The following ASTL variants were observed in gnomAD, a reference collection of about 807,000 sequenced individuals.
The protein encoded by ASTL is astacin-like metalloendopeptidase.
Under a neutral mutation model 36.7 loss-of-function variants are expected in ASTL, and 27 were observed. The observed-to-expected ratio is 0.73, with a 90% CI of 0.54 to 1.01. The LOEUF (loss-of-function observed/expected upper bound fraction) is 1.01. Among genes scored for constraint, ASTL ranks in the 50% least tolerant of loss-of-function variants. ASTL has a pLI of 0.00. For missense variants in ASTL, 524 were observed against 572.8 expected, an observed-to-expected ratio of 0.91 and a Z score of 0.87; for synonymous variants, 222 against 228.1, an observed-to-expected ratio of 0.97 and a Z score of 0.24.
At chr2:96,137,221 T>C (rs1682320185) in intron 2 of ASTL, among the ~76,000 whole-genome samples, 1 of 152,236 alleles carries the variant, frequency 6.6e-6, no homozygotes. Flanking sequence ...ACTAACCGCT[T>C]AGCTCCACGC....
At position 96,138,420 on chromosome 2, in the gene ASTL, C is replaced by A. The variant is rs1227985364; in HGVS notation, c.17G>T (p.Gly6Val). MEGVG[G>V]LWPWVLGLLS... is the part of the protein sequence containing the mutation. ...CAGACCCAGCACCCAAGGCCAGAGA[C>A]CCCCTACACCCTCCATGGTAGAGCC... The change falls in exon 1 of 9, where the codon GGT (glycine) becomes GTT (valine). Residue 6 changes from glycine to valine, a missense_variant. Coordinates refer to ENST00000342380, the MANE Select transcript of ASTL (RefSeq NM_001002036.4). The A allele has an allele frequency of 1.2e-6, 2 of 1,610,674 alleles. No homozygotes were observed. Among genetic ancestry groups the A allele is most frequent in the East Asian group, 2.2e-5 (1 of 44,816 alleles).
In ASTL at chr2:96,124,004, A is replaced by T. The variant is rs776533698; in HGVS notation, c.1142T>A (p.Val381Asp). 6 of 1,614,018 alleles carry T rather than the reference A, an allele frequency of 3.7e-6. No homozygotes were observed. Among genetic ancestry groups the T allele is most frequent in the Non-Finnish European group, 5.1e-6 (6 of 1,179,980 alleles). ...RSRPGAGAPG[V>D]AQEQSWLAGV... is the part of the protein sequence containing the mutation. ...GGCCAGCCAGGACTGCTCCTGAGCAACACCGGGGGCACCTGCTCCAGGCCT... is the reference window on the plus strand; with the variant it reads ...GGCCAGCCAGGACTGCTCCTGAGCATCACCGGGGGCACCTGCTCCAGGCCT... Residue 381 changes from valine (V) to aspartate (D), a missense_variant, in exon 9 of 9, where the codon GTT becomes GAT. Physicochemically the swap from Val to Asp is radical, Grantham distance 152. Coordinates refer to ENST00000342380, the MANE Select transcript of ASTL (RefSeq NM_001002036.4). This position sits in a 1 kb window ranked among gnomAD's most constrained non-coding sequence, Gnocchi z 4.1.
In ASTL at chr2:96,123,895, C is replaced by G. The variant is rs374378712; in HGVS notation, c.1251G>C (p.Gly417=). ...VPVQGSPALP[G]GCVPRNHFKG... is the part of the protein sequence containing the mutation. ...TGAAATGATTTCTAGGTACACAGCC[C>G]CCTGGCAGAGCTGGGCTTCCCTGGA... is the stretch of plus-strand genomic sequence containing the variant. Residue 417 remains glycine, a synonymous_variant, in exon 9 of 9, where the codon GGG becomes GGC. Coordinates refer to ENST00000342380, the MANE Select transcript of ASTL (RefSeq NM_001002036.4). 4.1e-5 allele frequency: 66 copies of G among 1,613,996 alleles called. 1 individual carries two copies. Among genetic ancestry groups the G allele is most frequent in the Middle Eastern group, 3.3e-4 (2 of 6,058 alleles).
chr2:96,128,314 T>C (rs1682103853), intron 8 of ASTL, among the ~76,000 whole-genome samples: 1 of 152,188 alleles, frequency 6.6e-6, no homozygotes, highest in South Asian at 2.1e-4. Context: ...ATTAATGTAG[T>C]TGAATTTATG....
chr2:96,129,995 G>C lies in ASTL; in HGVS notation c.720-17C>G, dbSNP rs763845853. 6.2e-7 allele frequency: 1 copy of C among 1,606,624 alleles called. No individual in the cohort carries two copies. The highest frequency in any genetic ancestry group is 8.5e-7 in the Non-Finnish European group (1 of 1,173,856). On this transcript the variant is annotated splice_polypyrimidine_tract_variant and intron_variant, in intron 7 of 8. Transcript: ENST00000342380. ...AAGGCGAGCCTGGAACCCAGCGGGA[G>C]ACCCCTGAGTCCAGATCACCACGGG...
intron 1 of ASTL, 127 bp from the exon 2 acceptor site, chr2:96,137,827 A>C: frequency 1.0e-6 from 1 of 976,922 alleles, no homozygotes; most frequent in African/African-American, 1.6e-5. Context: ...AGTAGGCTCC[A>C]GCACAAAGCC....
intron 1 of ASTL, 29 bp from the exon 2 acceptor site, chr2:96,137,729 G>C: frequency 6.3e-7 from 1 of 1,593,808 alleles, no homozygotes; most frequent in South Asian, 1.1e-5. Flanking sequence ...GGCATACACA[G>C]ATGCCTGGAG....
At chr2:96,126,574 T>C (rs1682067451) in intron 8 of ASTL, among the ~76,000 whole-genome samples, 1 of 152,062 alleles carries the variant, frequency 6.6e-6, no homozygotes, top group African/African-American at 2.4e-5. Context: ...CACTTGAAAA[T>C]ATCTTAGGCA....
chr2:96,129,708 G>A (rs774449001), intron 8 of ASTL, 116 bp downstream of exon 8: 125 of 1,013,480 alleles, frequency 1.2e-4, no homozygotes, highest in Middle Eastern at 3.4e-4. Flanking sequence ...GCAAGCCCCC[G>A]TGATCTCACC....
rs770559800 is a variant in ASTL at position 96,135,337 on chromosome 2, G to C, written c.243+14C>G. 3 of 1,613,104 alleles carry C rather than the reference G, an allele frequency of 1.9e-6. No individual in the cohort carries two copies. The highest frequency in any genetic ancestry group is 2.7e-5 in the African/African-American group (2 of 74,940). On this transcript the variant is annotated intron_variant, in intron 3 of 8. Transcript: ENST00000342380. ...GGCTTATCCGCACCCACACACGTCA[G>C]TGTGTGCACTCACCGGCCGGATGAT...
Position 96,122,885 on chromosome 2 carries a change from C to T in ASTL, c.*965G>A, listed in dbSNP as rs1277022873. Among the ~76,000 whole-genome samples the T allele has an allele frequency of 6.6e-6, 1 of 152,250 alleles. No homozygotes were observed. The highest frequency in any genetic ancestry group is 2.4e-5 in the African/African-American group (1 of 41,472). On this transcript the variant is annotated 3_prime_UTR_variant, in exon 9 of 9. Transcript: ENST00000342380. ...GGGCTCCTGCCCCTTCTACCCCAAG[C>T]AGGGCTTCCTTGACCCTCTGAAAGG... is the stretch of plus-strand genomic sequence containing the variant.
At chr2:96,134,602 G>T (rs552010400) in intron 3 of ASTL, among the ~76,000 whole-genome samples, 1 of 152,226 alleles carries the variant, frequency 6.6e-6, no homozygotes, top group Non-Finnish European at 1.5e-5. Flanking sequence ...ATTTGATTCT[G>T]CTCCGGGTGG....
intron 1 of ASTL, 101 bp from the exon 2 acceptor site, chr2:96,137,801 C>A: frequency 8.0e-7 from 1 of 1,242,478 alleles, no homozygotes; most frequent in South Asian, 1.4e-5. Context: ...GACGGTAAGA[C>A]TCAGTCCCTA....
intron 3 of ASTL, 69 bp downstream of exon 3, chr2:96,135,282 G>A (rs2104776462): frequency 6.7e-6 from 9 of 1,338,892 alleles, no homozygotes; most frequent in East Asian, 4.6e-5. Context: ...GGCATCCAGG[G>A]TGGGCTCAGA....
At chr2:96,131,473 C>T (rs1244895880) in intron 6 of ASTL, among the ~76,000 whole-genome samples, 2 of 152,146 alleles carry the variant, frequency 1.3e-5, no homozygotes, top group African/African-American at 4.8e-5. Flanking sequence ...CATGGTATAT[C>T]ATAAAATTAT....
Position 96,132,829 on chromosome 2 carries a change from A to G in ASTL, c.456-108T>C, listed in dbSNP as rs1396472234. 7.9e-6 allele frequency: 8 copies of G among 1,012,088 alleles called. No homozygotes were observed. The highest frequency in any genetic ancestry group is 9.9e-6 in the Non-Finnish European group (7 of 708,242). The allele number at this position is 1,012,088 out of a possible 1,614,324, so 62.7% of individuals were successfully genotyped here. A position where few individuals can be genotyped will look rare whatever the true frequency, so the allele number is the denominator to read the frequency against. ...AACACAAGATAGACAAACTCCCAACAGGCAGGCCCCACTCTGGGCTCTAGT... is the reference window on the plus strand; with the variant it reads ...AACACAAGATAGACAAACTCCCAACGGGCAGGCCCCACTCTGGGCTCTAGT... On this transcript the variant is annotated intron_variant, in intron 5 of 8. Coordinates refer to ENST00000342380, the MANE Select transcript of ASTL (RefSeq NM_001002036.4). This position sits in a 1 kb window ranked among gnomAD's most constrained non-coding sequence, Gnocchi z 5.4.
chr2:96,127,488 C>T (rs1208482337), intron 8 of ASTL, among the ~76,000 whole-genome samples: 7 of 152,216 alleles, frequency 4.6e-5, no homozygotes. Context: ...ACTTCATTTG[C>T]ATTTCCTCAA....
Position 96,123,793 on chromosome 2 carries a change from G to T in ASTL, c.*57C>A. ...GGCCCAAAGGAGCCAAGAGGTAGAC[G>T]ACCCAGCTCCACTGGGCAGAGGATG... On this transcript the variant is annotated 3_prime_UTR_variant, in exon 9 of 9. Transcript: ENST00000342380. 2.0e-6 allele frequency: 3 copies of T among 1,470,980 alleles called. No individual in the cohort carries two copies. The South Asian group carries it at 3.8e-5, about 18-fold the overall frequency. 91.1% of individuals were successfully genotyped at this position (1,470,980 alleles called of 1,614,324 possible).
At chr2:96,133,199 C>A (rs1041694122) in intron 5 of ASTL, among the ~76,000 whole-genome samples, 2 of 152,192 alleles carry the variant, frequency 1.3e-5, no homozygotes, top group Admixed American at 1.3e-4. Flanking sequence ...CTCATGGAGT[C>A]CCCCGGGAGA....
Sources: allele counts gnomAD v4.1 joint callset (sites outside exome capture counted in the v4.1 genomes callset), GRCh38; gene constraint gnomAD v4.1.1; non-coding constraint Gnocchi (gnomAD v3.1); transcripts MANE v1.5; gene names NCBI Gene and HGNC (gene_info 2026-07-23, HGNC 2026-07-21).